Variants in KLF7 observed in about 807,000 individuals in gnomAD.
KLF7 encodes KLF transcription factor 7.
A neutral mutation model predicts 27.3 loss-of-function variants in KLF7; 2 were observed. The observed-to-expected ratio is 0.07, with a 90% CI of 0.03 to 0.23. KLF7 has a LOEUF of 0.23. Ranked by LOEUF, KLF7 falls within the 10% of genes least tolerant of loss-of-function variation. KLF7 has a pLI of 1.00. For missense variants in KLF7, 221 were observed against 394.1 expected (o/e 0.56, Z 3.72); for synonymous variants, 165 against 162.4 (o/e 1.02, Z -0.12).
chr2:207,103,255 C>A (rs1344971699), intron 2 of KLF7, among the ~76,000 whole-genome samples: 1 of 152,142 alleles, frequency 6.6e-6, no homozygotes, highest in Non-Finnish European at 1.5e-5. Flanking sequence ...GTAGGGACAT[C>A]CCCTCCCCTT....
chr2:207,087,017 T>C (rs773405727), intron 3 of KLF7, among the ~76,000 whole-genome samples: 2 of 152,072 alleles, frequency 1.3e-5, no homozygotes, highest in Non-Finnish European at 2.9e-5. Flanking sequence ...AAACTTGAGA[T>C]GGAAATAGAA....
intron 2 of KLF7, among the ~76,000 whole-genome samples, chr2:207,106,229 T>G (rs903701575): frequency 6.6e-6 from 1 of 152,186 alleles, no homozygotes; most frequent in African/African-American, 2.4e-5. Flanking sequence ...GGGCATAACA[T>G]GATCAGAATT....
chr2:207,144,103 C>T (rs993686203), intron 1 of KLF7, among the ~76,000 whole-genome samples: 1 of 149,494 alleles, frequency 6.7e-6, no homozygotes, highest in African/African-American at 2.5e-5. Flanking sequence ...AACAGATGAA[C>T]GCAATGTAGA....
intron 1 of KLF7, among the ~76,000 whole-genome samples, chr2:207,128,482 A>G (rs2077538761): frequency 6.6e-6 from 1 of 152,230 alleles, no homozygotes; most frequent in Non-Finnish European, 1.5e-5. Context: ...AAACTAGTAG[A>G]AAGATCTATG....
chr2:207,155,291 T>C (rs2078352132), intron 1 of KLF7, among the ~76,000 whole-genome samples: 1 of 151,892 alleles, frequency 6.6e-6, no homozygotes, highest in Admixed American at 6.6e-5. Flanking sequence ...ATGGTTATTT[T>C]TATGACAGGA....
At chr2:207,150,721 C>T (rs529761711) in intron 1 of KLF7, among the ~76,000 whole-genome samples, 9 of 152,142 alleles carry the variant, frequency 5.9e-5, no homozygotes, top group African/African-American at 1.2e-4. Context: ...TCCACGACAC[C>T]GGTATTTTTC....
chr2:207,118,210 T>G (rs1271038238), intron 2 of KLF7, among the ~76,000 whole-genome samples: 1 of 152,218 alleles, frequency 6.6e-6, no homozygotes, highest in Non-Finnish European at 1.5e-5. Context: ...GACAGAATAT[T>G]AACATTTGTC....
intron 2 of KLF7, among the ~76,000 whole-genome samples, chr2:207,091,017 G>A (rs915287006): frequency 4.6e-5 from 7 of 152,136 alleles, no homozygotes; most frequent in African/African-American, 1.7e-4. Context: ...CCAATGCAAT[G>A]AGGCACCTAG....
upstream of KLF7, chr2:207,167,011 G>C (rs898278576): frequency 2.3e-6 from 2 of 876,498 alleles, no homozygotes; most frequent in African/African-American, 3.5e-5. Context: ...GGAGTCCGGC[G>C]GCTAGAGTTG....
intron 2 of KLF7, among the ~76,000 whole-genome samples, chr2:207,098,917 T>C (rs567300691): frequency 4.0e-5 from 6 of 151,604 alleles, no homozygotes; most frequent in Admixed American, 3.3e-4. Context: ...ACTGTGTCTA[T>C]TCCCAAACTA....
At chr2:207,139,808 GACATTTCAACCTGTCA>G (rs1235224486) in intron 1 of KLF7, among the ~76,000 whole-genome samples, 6 of 152,204 alleles carry the variant, frequency 3.9e-5, no homozygotes, top group Non-Finnish European at 7.3e-5. Context: ...TGGGATTTCA[GACATTTCAACCTGTCA>G]ACATCAAGTG....
rs576114095 is a variant in KLF7, at chr2:207,120,683, C to G, written c.733+3091G>C. Among the ~76,000 whole-genome samples the G allele has an allele frequency of 1.6e-3, 239 of 152,268 alleles. 3 individuals carry two copies. Among genetic ancestry groups the G allele is most frequent in the African/African-American group, 5.6e-3 (233 of 41,544 alleles). On this transcript the variant is annotated intron_variant, in intron 2 of 3. Coordinates refer to ENST00000309446, the MANE Select transcript of KLF7 (RefSeq NM_003709.4). The stretch of plus-strand genomic sequence containing the variant: ...CCCATTTTTAAAAAATCTTCATTTC[C>G]ACATTTGGTCAGCAGCTCTCCCAAC...
At chr2:207,105,784 A>G (rs1231952844) in intron 2 of KLF7, among the ~76,000 whole-genome samples, 1 of 152,178 alleles carries the variant, frequency 6.6e-6, no homozygotes, top group African/African-American at 2.4e-5. Flanking sequence ...GACTGAGAGA[A>G]CAGGCAGTGG....
At chr2:207,115,901 A>G (rs572207044) in intron 2 of KLF7, among the ~76,000 whole-genome samples, 2 of 152,382 alleles carry the variant, frequency 1.3e-5, no homozygotes, top group South Asian at 4.1e-4. Context: ...AACAGTCTAC[A>G]GTGTATTGCT....
intron 1 of KLF7, among the ~76,000 whole-genome samples, chr2:207,150,421 T>C (rs1238715891): frequency 1.3e-5 from 2 of 152,192 alleles, no homozygotes; most frequent in African/African-American, 4.8e-5. Flanking sequence ...ACTAAGTTCC[T>C]GCTCGGAAAA....
chr2:207,168,693 C>T (rs1304409036), upstream of KLF7, among the ~76,000 whole-genome samples: 6 of 152,204 alleles, frequency 3.9e-5, no homozygotes, highest in Non-Finnish European at 8.8e-5. Flanking sequence ...CTGCAAACCT[C>T]ATTATGGTCT....
At chr2:207,133,745 G>A (rs1042695049) in intron 1 of KLF7, among the ~76,000 whole-genome samples, 1 of 151,900 alleles carries the variant, frequency 6.6e-6, no homozygotes, top group African/African-American at 2.4e-5. Flanking sequence ...AAGAGGGGGA[G>A]GGGGGGAGCC....
rs1055040548 is a variant in KLF7, at chr2:207,080,208, G to A, written c.*1005C>T. On this transcript the variant is annotated 3_prime_UTR_variant, in exon 4 of 4. Transcript: ENST00000309446. ...TTCGAGAGCTGGACATCCAGGTGCCGAGAGAGTCCTGGAGAGGTTTAGTCC... is the reference window on the plus strand; with the variant it reads ...TTCGAGAGCTGGACATCCAGGTGCCAAGAGAGTCCTGGAGAGGTTTAGTCC... The A allele has an allele frequency of 2.0e-5, 3 of 152,172 alleles. No homozygotes were observed. Among genetic ancestry groups the A allele is most frequent in the African/African-American group, 7.2e-5 (3 of 41,428 alleles). 9.4% of individuals were successfully genotyped at this position (152,172 alleles called of 1,614,324 possible). A position where few individuals can be genotyped will look rare whatever the true frequency, so the allele number is the denominator to read the frequency against.
At chr2:207,098,860 T>A (rs1252441625) in intron 2 of KLF7, among the ~76,000 whole-genome samples, 1 of 143,974 alleles carries the variant, frequency 6.9e-6, no homozygotes, top group Admixed American at 7.5e-5. Flanking sequence ...CCTGAAGTGA[T>A]CCCCCGACCT....
Sources: allele counts gnomAD v4.1 joint callset (sites outside exome capture counted in the v4.1 genomes callset), GRCh38; gene constraint gnomAD v4.1.1; transcripts MANE v1.5; gene names NCBI Gene and HGNC (gene_info 2026-07-23, HGNC 2026-07-21).